TMEM230: variants seen among roughly 807,000 people sequenced by gnomAD.
TMEM230 encodes the protein transmembrane protein 230, also known as UPF0414 transmembrane protein C20orf30.
TMEM230 carries 10 observed loss-of-function variants against 15.8 expected under a neutral mutation model. The ratio of observed to expected loss-of-function variants is 0.63; its 90% CI spans 0.39 to 1.07. The LOEUF is 1.07. Among genes scored for constraint, TMEM230 ranks in the 50% least tolerant of loss-of-function variants. The pLI is 0.01. For missense variants in TMEM230, 165 were observed against 193.3 expected (o/e 0.85, Z 0.87); for synonymous variants, 67 against 76.9 (o/e 0.87, Z 0.68).
chr20:5,085,177 C>T (rs748088864), intron 3 of TMEM230, among the ~76,000 whole-genome samples: 1 of 152,098 alleles, frequency 6.6e-6, no homozygotes, highest in South Asian at 2.1e-4. Context: ...CTGATCTCAC[C>T]GTAGGTACAA....
At chr20:5,065,670 T>C (rs6116630), downstream of TMEM230, among the ~76,000 whole-genome samples, 1,213 of 152,284 alleles carry the variant, frequency 8.0e-3, 25 homozygotes, top group African/African-American at 0.028. Context: ...GCCTCTGAGA[T>C]AACCGGGTTA....
At chr20:5,106,458 C>A in intron 3 of TMEM230, 148 bp from the exon 3 acceptor site, 1 of 990,156 alleles carries the variant, frequency 1.0e-6, no homozygotes, top group Non-Finnish European at 1.4e-6. Context: ...GGCTAGAGAG[C>A]AATGGCGTGA....
chr20:5,062,727 C>T, the TMEM230 span, among the ~76,000 whole-genome samples: 1 of 152,108 alleles, frequency 6.6e-6, no homozygotes, highest in African/African-American at 2.4e-5. Context: ...AGTGCCACTG[C>T]ATTCCAGCCT....
At chr20:5,093,976 T>C (rs984742733) in intron 3 of TMEM230, among the ~76,000 whole-genome samples, 1 of 151,650 alleles carries the variant, frequency 6.6e-6, no homozygotes, top group African/African-American at 2.4e-5. Context: ...CTTTGTGAGA[T>C]GGAGTCTCGC....
intron 1 of TMEM230, among the ~76,000 whole-genome samples, chr20:5,112,218 C>T (rs970829192): frequency 6.6e-6 from 1 of 152,182 alleles, no homozygotes; most frequent in Admixed American, 6.5e-5. Flanking sequence ...ATATTAATAT[C>T]CGTTTTTATT....
At chr20:5,093,247 TATTTTA>T (rs2089560269) in intron 3 of TMEM230, among the ~76,000 whole-genome samples, 1 of 152,192 alleles carries the variant, frequency 6.6e-6, no homozygotes, top group South Asian at 2.1e-4. Flanking sequence ...TTTCCTATTT[TATTTTA>T]ATTTTGTTAT....
At chr20:5,067,409 T>TCATATATA (rs2088677334), downstream of TMEM230, 1 of 73,812 alleles carries the variant, frequency 1.4e-5, no homozygotes, top group Non-Finnish European at 2.7e-5. Context: ...GTGTTTAGGC[T>TCATATATA]CATATATATA....
chr20:5,111,231 T>C (rs562296610), intron 2 of TMEM230: 1 of 149,644 alleles, frequency 6.7e-6, no homozygotes, highest in East Asian at 2.0e-4. Flanking sequence ...TTTTCCTCCA[T>C]AAAGTAACAA....
chr20:5,095,588 T>C (rs1444033413), downstream of TMEM230, among the ~76,000 whole-genome samples: 1 of 152,156 alleles, frequency 6.6e-6, no homozygotes, highest in Non-Finnish European at 1.5e-5. Flanking sequence ...ACCCTCTAAG[T>C]GCCCCCACAC....
At chr20:5,098,223 C>T (rs1272887698), downstream of TMEM230, among the ~76,000 whole-genome samples, 2 of 152,104 alleles carry the variant, frequency 1.3e-5, no homozygotes, top group Non-Finnish European at 2.9e-5. Flanking sequence ...GATCCGCCCG[C>T]CTCGGGCTCC....
At chr20:5,091,680 A>G (rs1600337872) in intron 3 of TMEM230, among the ~76,000 whole-genome samples, 1 of 152,172 alleles carries the variant, frequency 6.6e-6, no homozygotes, top group East Asian at 1.9e-4. Flanking sequence ...CTACATAAGT[A>G]TATTGCAAAC....
At chr20:5,096,889 C>T (rs2089680498), downstream of TMEM230, among the ~76,000 whole-genome samples, 1 of 152,196 alleles carries the variant, frequency 6.6e-6, no homozygotes, top group Non-Finnish European at 1.5e-5. Context: ...GGGTTTAAAA[C>T]ACAGTCTTTG....
intron 3 of TMEM230, among the ~76,000 whole-genome samples, chr20:5,094,704 C>CAAAAAAAA (rs774664710): frequency 9.7e-5 from 6 of 61,596 alleles, no homozygotes; most frequent in African/African-American, 3.5e-4. Context: ...GACTCCATCT[C>CAAAAAAAA]AAAAAAAAAA....
downstream of TMEM230, among the ~76,000 whole-genome samples, chr20:5,097,153 C>T (rs548049205): frequency 2.4e-4 from 36 of 152,278 alleles, no homozygotes; most frequent in African/African-American, 5.5e-4. Context: ...AATCCTCAAA[C>T]GCAGGCCAAC....
the TMEM230 span, among the ~76,000 whole-genome samples, chr20:5,062,744 C>T: frequency 6.6e-6 from 1 of 152,048 alleles, no homozygotes; most frequent in Non-Finnish European, 1.5e-5. Context: ...GCCTGGGAAA[C>T]AGAGTGAGAC....
At chr20:5,060,737 T>C in the TMEM230 span, among the ~76,000 whole-genome samples, 27 of 152,196 alleles carry the variant, frequency 1.8e-4, no homozygotes, top group African/African-American at 6.3e-4. Context: ...TATTGTGTAG[T>C]ATTTCATTAT....
intron 3 of TMEM230, among the ~76,000 whole-genome samples, chr20:5,093,301 G>T (rs1350948688): frequency 1.3e-5 from 2 of 152,186 alleles, no homozygotes; most frequent in Non-Finnish European, 2.9e-5. Flanking sequence ...AGGCTGGAGT[G>T]CAGTGGTGCA....
chr20:5,100,688 T>A lies in TMEM230; in HGVS notation c.*103A>T. The stretch of plus-strand genomic sequence containing the variant: ...AATCTGGCCATTATTTTCTTAAACA[T>A]CTGCAAGCTGCAGAATTCCTTAGTC... On this transcript the variant is annotated 3_prime_UTR_variant, in exon 5 of 5. Transcript: ENST00000342308. The A allele has an allele frequency of 6.6e-7, 1 of 1,509,874 alleles. No homozygotes were observed. Among genetic ancestry groups the A allele is most frequent in the Admixed American group, 2.2e-5 (1 of 44,790 alleles). The allele number at this position is 1,509,874 out of a possible 1,614,324, so 93.5% of individuals were successfully genotyped here. A position where few individuals can be genotyped will look rare whatever the true frequency, so the allele number is the denominator to read the frequency against.
At chr20:5,067,175 G>C (rs868759605), downstream of TMEM230, 1 of 151,740 alleles carries the variant, frequency 6.6e-6, no homozygotes, top group African/African-American at 2.4e-5. Context: ...AGAATTATCC[G>C]GTGAGGGGGG....
Sources: gnomAD v4.1 joint callset for allele counts (sites outside exome capture counted in the v4.1 genomes callset) on GRCh38, gnomAD v4.1.1 for gene constraint, MANE v1.5 for transcripts, NCBI Gene and HGNC (gene_info 2026-07-23, HGNC 2026-07-21) for gene names.